Variants in TTL observed in about 807,000 individuals in gnomAD.
TTL encodes tubulin tyrosine ligase.
In TTL, 10 loss-of-function variants were observed where a neutral mutation model predicts 41.1. The ratio of observed to expected loss-of-function variants is 0.24; its 90% CI spans 0.15 to 0.41. TTL has a LOEUF of 0.41. Ranked by LOEUF, TTL falls within the 10% of genes least tolerant of loss-of-function variation. The pLI is 1.00. For synonymous variants in TTL, 175 were observed against 175.5 expected (o/e 1.00, Z 0.02); for missense variants, 367 against 460.4 (o/e 0.80, Z 1.86).
At chr2:112,528,560 C>A in intron 6 of TTL, 121 bp from the exon 7 acceptor site, 1 of 751,670 alleles carries the variant, frequency 1.3e-6, no homozygotes, top group Non-Finnish European at 2.3e-6. Flanking sequence ...ACCATGATCG[C>A]ACCACTGCAT....
At chr2:112,519,164 T>TA (rs1682155075) in intron 5 of TTL, among the ~76,000 whole-genome samples, 2 of 152,182 alleles carry the variant, frequency 1.3e-5, no homozygotes, top group South Asian at 4.1e-4. Context: ...TAGTTGTAGA[T>TA]AAGAGGTATT....
intron 6 of TTL, among the ~76,000 whole-genome samples, chr2:112,524,839 G>C (rs1422729171): frequency 6.6e-6 from 1 of 152,050 alleles, no homozygotes; most frequent in Non-Finnish European, 1.5e-5. Context: ...CATTGCTTTT[G>C]GTGTTTTAGA....
chr2:112,510,028 G>A (rs1681883741), intron 5 of TTL, among the ~76,000 whole-genome samples: 2 of 152,074 alleles, frequency 1.3e-5, no homozygotes, highest in African/African-American at 4.8e-5. Flanking sequence ...GGTTTTATTG[G>A]TTTTCTCTGT....
At chr2:112,490,123 A>G (rs1263595055) in intron 2 of TTL, among the ~76,000 whole-genome samples, 2 of 151,972 alleles carry the variant, frequency 1.3e-5, no homozygotes, top group Admixed American at 6.6e-5. Context: ...GCTTCAGAAA[A>G]CCTAGCACAA....
In TTL at chr2:112,531,401, G is replaced by A. The variant is rs1682505555; in HGVS notation, c.*2606G>A. The stretch of plus-strand genomic sequence containing the variant: ...TCTGTGCCTTAGTTTCTTAGCCCAT[G>A]AAAGAGATCATTGCCTGACCCAGGG... On this transcript the variant is annotated 3_prime_UTR_variant, in exon 7 of 7. Coordinates refer to ENST00000233336, the MANE Select transcript of TTL (RefSeq NM_153712.5). 1.3e-5 allele frequency: 3 copies of A among 228,682 alleles called. No homozygotes were observed. Among genetic ancestry groups the A allele is most frequent in the Non-Finnish European group, 2.6e-5 (3 of 115,082 alleles). The allele number at this position is 228,682 out of a possible 1,614,324, so 14.2% of individuals were successfully genotyped here.
intron 6 of TTL, among the ~76,000 whole-genome samples, chr2:112,521,580 T>A (rs538645223): frequency 3.3e-5 from 5 of 152,248 alleles, no homozygotes; most frequent in African/African-American, 7.2e-5. Context: ...GCTAGGCCTT[T>A]GCCATTGCCT....
At chr2:112,527,758 GT>G (rs1682403795) in intron 6 of TTL, among the ~76,000 whole-genome samples, 1 of 152,096 alleles carries the variant, frequency 6.6e-6, no homozygotes, top group African/African-American at 2.4e-5. Context: ...GGTCTTGACT[GT>G]TTATCCAATT....
chr2:112,499,625 T>G (rs1681637860), intron 3 of TTL, among the ~76,000 whole-genome samples: 1 of 152,216 alleles, frequency 6.6e-6, no homozygotes, highest in Non-Finnish European at 1.5e-5. Flanking sequence ...ATTGATAAAT[T>G]GAACCTCATC....
chr2:112,496,614 G>A (rs987582650), intron 3 of TTL, among the ~76,000 whole-genome samples: 1 of 150,370 alleles, frequency 6.7e-6, no homozygotes, highest in African/African-American at 2.5e-5. Context: ...TGCTGTAGAT[G>A]ACCCTTGTTT....
chr2:112,490,152 A>G (rs1681342801), intron 2 of TTL, among the ~76,000 whole-genome samples: 1 of 152,148 alleles, frequency 6.6e-6, no homozygotes, highest in Non-Finnish European at 1.5e-5. Context: ...GTGGTGACTC[A>G]CACCTGTAAT....
chr2:112,486,769 T>C (rs1373036235), intron 2 of TTL, among the ~76,000 whole-genome samples: 5 of 152,234 alleles, frequency 3.3e-5, no homozygotes, highest in African/African-American at 1.2e-4. Flanking sequence ...GTAAGGCTAT[T>C]ATGAGAATTA....
chr2:112,515,232 A>C (rs1020422617), intron 5 of TTL, among the ~76,000 whole-genome samples: 1 of 152,222 alleles, frequency 6.6e-6, no homozygotes, highest in African/African-American at 2.4e-5. Context: ...TATGGGCTGC[A>C]TATGGCCTGT....
chr2:112,492,581 A>C (rs540174039), intron 2 of TTL, among the ~76,000 whole-genome samples: 2 of 152,326 alleles, frequency 1.3e-5, no homozygotes, highest in African/African-American at 4.8e-5. Flanking sequence ...GTACAAAAAA[A>C]TTAGCTGGGC....
At chr2:112,491,000 G>A (rs1681369651) in intron 2 of TTL, among the ~76,000 whole-genome samples, 1 of 150,318 alleles carries the variant, frequency 6.7e-6, no homozygotes, top group South Asian at 2.1e-4. Flanking sequence ...ATGAGTTTGC[G>A]TGTGTGTGTG....
intron 5 of TTL, among the ~76,000 whole-genome samples, chr2:112,510,793 T>C (rs573810420): frequency 1.3e-5 from 2 of 152,352 alleles, no homozygotes; most frequent in East Asian, 3.9e-4. Flanking sequence ...GCTGTTTTCA[T>C]TTCCATTTTA....
At chr2:112,518,715 C>T (rs563782890) in intron 5 of TTL, among the ~76,000 whole-genome samples, 1 of 149,246 alleles carries the variant, frequency 6.7e-6, no homozygotes, top group Admixed American at 6.7e-5. Context: ...TGCTCTTTCA[C>T]CCAGGCTGGA....
chr2:112,483,104 C>T (rs1037643076), intron 1 of TTL: 5 of 152,224 alleles, frequency 3.3e-5, no homozygotes, highest in Non-Finnish European at 5.9e-5. Flanking sequence ...GATTATAAAC[C>T]TTTCCTTAGT....
At chr2:112,488,069 G>A (rs1681289280) in intron 2 of TTL, among the ~76,000 whole-genome samples, 1 of 152,154 alleles carries the variant, frequency 6.6e-6, no homozygotes, top group South Asian at 2.1e-4. Context: ...CAGAGCCTTG[G>A]TGGGGTTCAG....
At chr2:112,488,900 A>G (rs1402020377) in intron 2 of TTL, among the ~76,000 whole-genome samples, 1 of 152,174 alleles carries the variant, frequency 6.6e-6, no homozygotes, top group Non-Finnish European at 1.5e-5. Context: ...CATCCTGGCC[A>G]ACATGGTGAA....
Sources: gnomAD v4.1 joint callset for allele counts (sites outside exome capture counted in the v4.1 genomes callset) on GRCh38, gnomAD v4.1.1 for gene constraint, MANE v1.5 for transcripts, NCBI Gene and HGNC (gene_info 2026-07-23, HGNC 2026-07-21) for gene names.